Variants in LRP1B observed in about 807,000 individuals in gnomAD.
LRP1B encodes LDL receptor related protein 1B.
LRP1B carries 217 observed loss-of-function variants against 556.6 expected under a neutral mutation model. The observed-to-expected ratio is 0.39, with a 90% confidence interval of 0.35 to 0.44. LRP1B has a LOEUF of 0.44. Ranked by LOEUF, LRP1B falls within the 20% of genes least tolerant of loss-of-function variation. The probability of loss-of-function intolerance (pLI) is 1.00; values close to 1 mark genes in which losing one functional copy is unlikely to be tolerated. For synonymous variants in LRP1B, 2,047 were observed against 1,865.8 expected (o/e 1.10, Z -2.50); for missense variants, 5,053 against 5,620.8 (o/e 0.90, Z 3.23).
intron 59 of LRP1B, among the ~76,000 whole-genome samples, chr2:140,482,510 T>C (rs572731194): frequency 6.6e-6 from 1 of 152,252 alleles, no homozygotes; most frequent in South Asian, 2.1e-4. Flanking sequence ...CCTAAATTAA[T>C]AATAAATTAG....
intron 20 of LRP1B, among the ~76,000 whole-genome samples, chr2:140,942,623 G>A (rs1005834770): frequency 3.3e-5 from 5 of 152,056 alleles, no homozygotes; most frequent in Non-Finnish European, 7.4e-5. Context: ...AGAAGAGATC[G>A]TGAGCCTATT....
At chr2:140,904,750 C>G (rs1373935384) in intron 22 of LRP1B, among the ~76,000 whole-genome samples, 2 of 152,110 alleles carry the variant, frequency 1.3e-5, no homozygotes, top group Admixed American at 1.3e-4. Context: ...CATCTTAAAA[C>G]AGCAGTCATT....
At chr2:140,891,222 A>G (rs1055235805) in intron 23 of LRP1B, among the ~76,000 whole-genome samples, 2 of 152,180 alleles carry the variant, frequency 1.3e-5, no homozygotes, top group Non-Finnish European at 2.9e-5. Context: ...GAAAACACTC[A>G]GAAGACTGTT....
At chr2:141,266,982 AAT>A (rs1684913822) in intron 3 of LRP1B, among the ~76,000 whole-genome samples, 1 of 152,226 alleles carries the variant, frequency 6.6e-6, no homozygotes, top group South Asian at 2.1e-4. Flanking sequence ...CGTAAAGCAA[AAT>A]ATGTTTGTGT....
intron 79 of LRP1B, among the ~76,000 whole-genome samples, chr2:140,326,780 G>C (rs1469579719): frequency 1.3e-5 from 2 of 152,028 alleles, no homozygotes; most frequent in Non-Finnish European, 2.9e-5. Flanking sequence ...AATTTTCTCT[G>C]AGAGTGCTTG....
intron 3 of LRP1B, among the ~76,000 whole-genome samples, chr2:141,391,555 T>C (rs987222624): frequency 2.6e-5 from 4 of 152,020 alleles, no homozygotes; most frequent in Non-Finnish European, 5.9e-5. Context: ...TCATACACCA[T>C]GGTAATTGAT....
intron 6 of LRP1B, among the ~76,000 whole-genome samples, chr2:141,218,755 A>G (rs1251965931): frequency 6.6e-6 from 1 of 152,164 alleles, no homozygotes; most frequent in African/African-American, 2.4e-5. Context: ...AAACCTGTAC[A>G]TGTACCCCTG....
intron 1 of LRP1B, among the ~76,000 whole-genome samples, chr2:141,917,834 A>C (rs1158507932): frequency 1.3e-5 from 2 of 152,182 alleles, no homozygotes; most frequent in Non-Finnish European, 2.9e-5. Context: ...CTTAAATAAC[A>C]GTACACAATT....
chr2:140,534,287 A>C (rs1286767195), intron 46 of LRP1B, 147 bp from the exon 47 acceptor site: 6 of 752,654 alleles, frequency 8.0e-6, no homozygotes, highest in Admixed American at 6.1e-5. Flanking sequence ...CTGGATTAGA[A>C]TGTTTATGTG....
chr2:141,191,854 G>A (rs747445199), intron 6 of LRP1B, among the ~76,000 whole-genome samples: 3 of 151,852 alleles, frequency 2.0e-5, no homozygotes, highest in Non-Finnish European at 2.9e-5. Flanking sequence ...CTTGGGTTCA[G>A]ATAAAGTATG....
chr2:141,829,317 T>TA (rs935909939), intron 1 of LRP1B, among the ~76,000 whole-genome samples: 6 of 151,996 alleles, frequency 3.9e-5, no homozygotes, highest in East Asian at 1.9e-4. Flanking sequence ...CTCAAGTGAG[T>TA]AAAAAACTCT....
At chr2:141,710,874 T>C (rs1181594034) in intron 2 of LRP1B, among the ~76,000 whole-genome samples, 1 of 152,176 alleles carries the variant, frequency 6.6e-6, no homozygotes, top group East Asian at 1.9e-4. Context: ...ATGATCACTG[T>C]CACTTGTTTT....
chr2:140,310,616 T>G (rs981839576), intron 83 of LRP1B, among the ~76,000 whole-genome samples: 2 of 151,796 alleles, frequency 1.3e-5, no homozygotes, highest in Non-Finnish European at 2.9e-5. Flanking sequence ...CAACTGATCT[T>G]TGACAAAATT....
chr2:140,983,667 A>G (rs1284831535), intron 17 of LRP1B, among the ~76,000 whole-genome samples: 2 of 152,092 alleles, frequency 1.3e-5, no homozygotes, highest in African/African-American at 4.8e-5. Context: ...TCCAAGAAAA[A>G]CAAATGAAAA....
chr2:141,277,042 A>T (rs559334397), intron 3 of LRP1B, among the ~76,000 whole-genome samples: 1 of 152,174 alleles, frequency 6.6e-6, no homozygotes, highest in African/African-American at 2.4e-5. Flanking sequence ...TCTACTGTTC[A>T]TGGGCATCTA....
At chr2:140,677,489 A>G (rs1685712476) in intron 41 of LRP1B, among the ~76,000 whole-genome samples, 1 of 152,194 alleles carries the variant, frequency 6.6e-6, no homozygotes, top group Non-Finnish European at 1.5e-5. Flanking sequence ...AATGGTTTCA[A>G]CAGCATAGGA....
intron 3 of LRP1B, among the ~76,000 whole-genome samples, chr2:141,472,738 TGAA>T (rs1682523993): frequency 1.3e-5 from 2 of 152,180 alleles, no homozygotes. Flanking sequence ...GATGTTTTAA[TGAA>T]GAATACCTCC....
At position 140,761,169 on chromosome 2, in the gene LRP1B, A is replaced by G. The variant is rs145933909; in HGVS notation, c.5758+8044T>C. Among the ~76,000 whole-genome samples, 512 of 152,330 alleles carry G rather than the reference A, an allele frequency of 3.4e-3. 4 individuals are homozygous for G. Among genetic ancestry groups the G allele is most frequent in the African/African-American group, 0.01 (428 of 41,596 alleles). On this transcript the variant is annotated intron_variant, in intron 35 of 90. Coordinates refer to ENST00000389484, the MANE Select transcript of LRP1B (RefSeq NM_018557.3). ...TCTACTATTAACTGGAGGCAAAATGAGGATCAAGACAATGACCATAAACTT... is the reference window on the plus strand; with the variant it reads ...TCTACTATTAACTGGAGGCAAAATGGGGATCAAGACAATGACCATAAACTT...
intron 1 of LRP1B, among the ~76,000 whole-genome samples, chr2:141,952,797 G>T (rs937374092): frequency 9.2e-5 from 14 of 152,106 alleles, no homozygotes; most frequent in African/African-American, 3.1e-4. Flanking sequence ...CGTTGGGTCA[G>T]TATCTGGCTT....
Sources: allele counts gnomAD v4.1 joint callset (sites outside exome capture counted in the v4.1 genomes callset), GRCh38; gene constraint gnomAD v4.1.1; transcripts MANE v1.5; gene names NCBI Gene and HGNC (gene_info 2026-07-23, HGNC 2026-07-21).